HERC1: variants seen among roughly 807,000 people sequenced by gnomAD.
HERC1 encodes probable E3 ubiquitin-protein ligase HERC1.
A neutral mutation model predicts 554.3 loss-of-function variants in HERC1; 160 were observed. The observed-to-expected ratio is 0.29, with a 90% CI of 0.25 to 0.33. The LOEUF (loss-of-function observed/expected upper bound fraction) is 0.33. Among genes scored for constraint, HERC1 ranks in the 10% least tolerant of loss-of-function variants. The pLI is 1.00. For synonymous variants in HERC1, 2,175 were observed against 2,131.7 expected, an observed-to-expected ratio of 1.02 and a Z score of -0.56; for missense variants, 4,919 against 5,918.5, an observed-to-expected ratio of 0.83 and a Z score of 5.54.
chr15:63,615,025 C>T (rs779340802), intron 76 of HERC1, among the ~76,000 whole-genome samples: 1 of 152,188 alleles, frequency 6.6e-6, no homozygotes, highest in African/African-American at 2.4e-5. Context: ...GCTTAAAGAA[C>T]AGCAGCAAGA....
At position 63,638,552 on chromosome 15, in the gene HERC1, C is replaced by T. The variant is rs755004766; in HGVS notation, c.11968-16G>A. On this transcript the variant is annotated splice_polypyrimidine_tract_variant and intron_variant, in intron 62 of 77. Coordinates refer to ENST00000443617, the MANE Select transcript of HERC1 (RefSeq NM_003922.4). ...GGTGCCAGTCCTAGAAAACCACAAT[C>T]ATCTCAAAATTAGAGTCATCCATTC... 8.7e-6 allele frequency: 14 copies of T among 1,613,676 alleles called. No individual in the cohort carries two copies. In the South Asian group the frequency reaches 1.4e-4, roughly 16 times the overall value.
chr15:63,813,926 G>A (rs1243483110), intron 1 of HERC1, among the ~76,000 whole-genome samples: 2 of 152,136 alleles, frequency 1.3e-5, no homozygotes, highest in Non-Finnish European at 2.9e-5. Context: ...GGGCATGGTG[G>A]CGGGTGCCAG....
chr15:63,611,197 G>C (rs1189078852), intron 77 of HERC1, among the ~76,000 whole-genome samples: 1 of 152,226 alleles, frequency 6.6e-6, no homozygotes, highest in African/African-American at 2.4e-5. Context: ...AGCCCATTAT[G>C]ACCAGAACAT....
At position 63,713,347 on chromosome 15, in the gene HERC1, T is replaced by TC. The variant is rs1567042528; in HGVS notation, c.4463+5dup. 6.2e-7 allele frequency: 1 copy of TC among 1,611,802 alleles called. No homozygotes were observed. Among genetic ancestry groups the TC allele is most frequent in the Admixed American group, 1.7e-5 (1 of 60,002 alleles). On this transcript the variant is annotated splice_donor_region_variant and intron_variant, in intron 23 of 77. Transcript: ENST00000443617. The stretch of plus-strand genomic sequence containing the variant: ...GGTCATGTTTTCAGTGTCTAGTCAG[T>TC]CCCACCTGGTCATAAGTCCACCCCC...
At chr15:63,812,371 G>GT (rs752713954) in intron 1 of HERC1, among the ~76,000 whole-genome samples, 5 of 152,210 alleles carry the variant, frequency 3.3e-5, no homozygotes, top group Non-Finnish European at 5.9e-5. Context: ...ATGACTGGAG[G>GT]TAAGTTTTAG....
intron 27 of HERC1, 61 bp downstream of exon 27, chr15:63,696,063 T>C (rs2072395386): frequency 7.9e-7 from 1 of 1,259,138 alleles, no homozygotes; most frequent in Admixed American, 2.0e-5. Context: ...AGTTTCACAT[T>C]ATTAAAGTGG....
At chr15:63,628,875 T>TATGAA in intron 69 of HERC1, 60 bp from the exon 70 acceptor site, 1 of 1,544,800 alleles carries the variant, frequency 6.5e-7, no homozygotes, top group South Asian at 1.2e-5. Context: ...AGGAAGTCAA[T>TATGAA]ATGAAATTTT....
At chr15:63,809,789 CAAAA>C (rs34059646) in intron 1 of HERC1, among the ~76,000 whole-genome samples, 12 of 136,192 alleles carry the variant, frequency 8.8e-5, no homozygotes, top group South Asian at 2.4e-4. Context: ...TTTAGAATAG[CAAAA>C]AAAAAAAAAA....
chr15:63,650,668 A>G (rs1003524290), intron 53 of HERC1, among the ~76,000 whole-genome samples: 5 of 152,208 alleles, frequency 3.3e-5, no homozygotes, highest in African/African-American at 9.6e-5. Flanking sequence ...TACAAATGTC[A>G]AGCACTTAAG....
In HERC1 at chr15:63,649,874, C is replaced by G; in HGVS notation, c.10598G>C (p.Trp3533Ser). ...IQPHWVSALAWPEEGPATAWS... is the reference protein window; with the variant it reads ...IQPHWVSALASPEEGPATAWS... Reference sequence around the variant, plus strand: ...GGCTGTAGCCGGACCCTCTTCTGGCCAAGCCAGGGCAGATACCCAATGAGG... The same window carrying G: ...GGCTGTAGCCGGACCCTCTTCTGGCGAAGCCAGGGCAGATACCCAATGAGG... The change falls in exon 54 of 78, where the codon TGG becomes TCG. Residue 3533 changes from tryptophan (W) to serine (S), a missense_variant. By Grantham distance (177) the Trp-to-Ser change is radical. Coordinates refer to ENST00000443617, the MANE Select transcript of HERC1 (RefSeq NM_003922.4). The G allele has an allele frequency of 6.2e-7, 1 of 1,612,438 alleles. No homozygotes were observed.
intron 68 of HERC1, chr15:63,632,457 G>A (rs556208778): frequency 5.7e-6 from 3 of 523,464 alleles, no homozygotes; most frequent in South Asian, 2.0e-5. Flanking sequence ...AAGAGGGGAC[G>A]GCCCTTGGCA....
chr15:63,747,968 G>T, intron 10 of HERC1, 110 bp from the exon 11 acceptor site: 1 of 1,063,586 alleles, frequency 9.4e-7, no homozygotes, highest in Non-Finnish European at 1.3e-6. Flanking sequence ...GCTCATGCCT[G>T]TAATCCTAGC....
At chr15:63,720,118 T>TA (rs1423075354) in intron 19 of HERC1, among the ~76,000 whole-genome samples, 1 of 8,350 alleles carries the variant, frequency 1.2e-4, no homozygotes, top group East Asian at 5.3e-4. Context: ...TTTTTTTTTT[T>TA]AAGAGACAGG....
intron 12 of HERC1, among the ~76,000 whole-genome samples, chr15:63,742,403 T>G (rs2074846752): frequency 6.6e-6 from 1 of 152,180 alleles, no homozygotes; most frequent in African/African-American, 2.4e-5. Context: ...TCCTTAGAAT[T>G]TTCTACACAC....
chr15:63,618,985 A>G (rs1218752943), intron 74 of HERC1, among the ~76,000 whole-genome samples: 1 of 152,068 alleles, frequency 6.6e-6, no homozygotes, highest in Middle Eastern at 3.2e-3. Context: ...AATGCCCTTT[A>G]TTTCCTTCTC....
chr15:63,779,247 G>T (rs2143015279), intron 1 of HERC1, among the ~76,000 whole-genome samples: 1 of 152,094 alleles, frequency 6.6e-6, no homozygotes, highest in African/African-American at 2.4e-5. Context: ...AAAAATATCT[G>T]AATCAATATA....
intron 33 of HERC1, among the ~76,000 whole-genome samples, chr15:63,689,187 G>T (rs895800721): frequency 1.3e-5 from 2 of 151,624 alleles, no homozygotes; most frequent in Non-Finnish European, 1.5e-5. Flanking sequence ...CAGAGGTAAA[G>T]TAAGAAGTGG....
chr15:63,699,088 A>C lies in HERC1; in HGVS notation c.4637-92T>G, dbSNP rs530647909. 17 of 1,123,828 alleles carry C rather than the reference A, an allele frequency of 1.5e-5. No individual in the cohort carries two copies. The East Asian group carries it at 3.8e-4, about 25-fold the overall frequency. The allele number at this position is 1,123,828 out of a possible 1,614,324, so 69.6% of individuals were successfully genotyped here. ...AAGGCTGAGTGCTGCTACCATAACCAACTGGTGAAAAATGGATACTCATGT... is the reference window on the plus strand; with the variant it reads ...AAGGCTGAGTGCTGCTACCATAACCCACTGGTGAAAAATGGATACTCATGT... On this transcript the variant is annotated intron_variant, in intron 25 of 77. Transcript: ENST00000443617.
Position 63,727,684 on chromosome 15 carries a change from A to G in HERC1, c.3309T>C (p.Asp1103=), listed in dbSNP as rs2074095981. ...ACTGTAACTCCTGGTCTTCTAAAAG[A>G]TCAGCAGCTGGCAGGAGTCTATTAA... The part of the protein sequence containing the change: ...DCLNRLLPAA[D]LLEDQELQWP... The change falls in exon 17 of 78, where the codon GAT becomes GAC. Residue 1103 remains aspartate, a synonymous_variant. Coordinates refer to ENST00000443617, the MANE Select transcript of HERC1 (RefSeq NM_003922.4). The surrounding 1 kb of genome is among the most constrained non-coding windows in gnomAD (Gnocchi z 4.3). 1.2e-6 allele frequency: 2 copies of G among 1,613,344 alleles called. No homozygotes were observed. The highest frequency in any genetic ancestry group is 2.7e-5 in the African/African-American group (2 of 74,926).
Sources: gnomAD v4.1 joint callset for allele counts (sites outside exome capture counted in the v4.1 genomes callset) on GRCh38, gnomAD v4.1.1 for gene constraint, Gnocchi (gnomAD v3.1) non-coding constraint, MANE v1.5 for transcripts, NCBI Gene and HGNC (gene_info 2026-07-23, HGNC 2026-07-21) for gene names.